Variants in ZCCHC10 observed in about 807,000 individuals in gnomAD.
ZCCHC10 encodes the protein zinc finger CCHC domain-containing protein 10.
A neutral mutation model predicts 19.5 loss-of-function variants in ZCCHC10; 16 were observed. The ratio of observed to expected loss-of-function variants is 0.82; its 90% CI spans 0.56 to 1.25. The LOEUF (loss-of-function observed/expected upper bound fraction) is 1.25, where lower values mean the gene tolerates loss of function less well. ZCCHC10 is among the 50% of genes most tolerant of loss of function. The pLI is 0.00. For synonymous variants in ZCCHC10, 67 were observed against 72.5 expected, an observed-to-expected ratio of 0.92 and a Z score of 0.38; for missense variants, 197 against 201.0, an observed-to-expected ratio of 0.98 and a Z score of 0.12.
chr5:132,999,843 G>C (rs1762649446), intron 4 of ZCCHC10, among the ~76,000 whole-genome samples: 1 of 152,080 alleles, frequency 6.6e-6, no homozygotes, highest in Non-Finnish European at 1.5e-5. Flanking sequence ...TGCCTCCCAG[G>C]TTCAAGCAAT....
intron 2 of ZCCHC10, among the ~76,000 whole-genome samples, chr5:133,016,709 C>T (rs895052071): frequency 1.3e-5 from 2 of 152,166 alleles, no homozygotes; most frequent in African/African-American, 2.4e-5. Flanking sequence ...TCCCAAAGTG[C>T]TGGGATTATA....
Position 133,006,847 on chromosome 5 carries a change from T to C in ZCCHC10, c.181A>G (p.Lys61Glu). The C allele has an allele frequency of 1.2e-6, 2 of 1,613,148 alleles. No homozygotes were observed. Among genetic ancestry groups the C allele is most frequent in the Non-Finnish European group, 1.7e-6 (2 of 1,179,702 alleles). The change falls in exon 3 of 5, where the codon AAA (lysine) becomes GAA (glutamate). Residue 61 changes from lysine to glutamate, a missense_variant. Transcript: ENST00000509437. Reference protein sequence around the residue: ...FGHWTYECTGKRKYLHRPSRT... With the variant: ...FGHWTYECTGERKYLHRPSRT... ...GAGGGCCTATGTAGGTATTTTCTTT[T>C]TCCTGTGCATTCATAAGTCCAATGT...
intron 2 of ZCCHC10, among the ~76,000 whole-genome samples, chr5:133,009,163 C>T (rs986869344): frequency 2.6e-5 from 4 of 151,964 alleles, no homozygotes; most frequent in African/African-American, 7.2e-5. Flanking sequence ...CTATCACGCC[C>T]GGCTAATTTT....
At chr5:133,008,869 C>T (rs537366642) in intron 2 of ZCCHC10, among the ~76,000 whole-genome samples, 4 of 152,162 alleles carry the variant, frequency 2.6e-5, no homozygotes, top group South Asian at 2.1e-4. Flanking sequence ...AAAAATTAGC[C>T]GCGTGTGGTG....
chr5:132,999,769 A>G (rs1271276349), intron 4 of ZCCHC10, among the ~76,000 whole-genome samples: 2 of 151,868 alleles, frequency 1.3e-5, no homozygotes, highest in Non-Finnish European at 2.9e-5. Flanking sequence ...TTTTTTTGAG[A>G]CAGAGTTTCG....
intron 2 of ZCCHC10, among the ~76,000 whole-genome samples, chr5:133,013,991 A>C (rs1387577950): frequency 6.6e-6 from 1 of 152,012 alleles, no homozygotes; most frequent in Non-Finnish European, 1.5e-5. Flanking sequence ...AAAAGTTCTA[A>C]CTCTGTTTCA....
At chr5:132,999,210 A>C (rs1253829992) in intron 4 of ZCCHC10, among the ~76,000 whole-genome samples, 1 of 152,168 alleles carries the variant, frequency 6.6e-6, no homozygotes, top group East Asian at 1.9e-4. Flanking sequence ...GGCGTGAGCC[A>C]CCGCGCCCAG....
intron 2 of ZCCHC10, among the ~76,000 whole-genome samples, chr5:133,013,799 GAA>G (rs11338391): frequency 2.7e-5 from 4 of 146,304 alleles, no homozygotes; most frequent in East Asian, 2.0e-4. Flanking sequence ...ACTATTTTGG[GAA>G]AAAAAAAAGC....
chr5:133,007,936 G>A (rs550080083), intron 2 of ZCCHC10, among the ~76,000 whole-genome samples: 5 of 151,986 alleles, frequency 3.3e-5, no homozygotes, highest in South Asian at 2.1e-4. Context: ...TTTAAGAATC[G>A]GAAAATCAGC....
chr5:133,025,210 A>G (rs566858837), intron 1 of ZCCHC10, among the ~76,000 whole-genome samples: 1 of 152,150 alleles, frequency 6.6e-6, no homozygotes. Context: ...AAAAAGCTTT[A>G]TAAGAAAGGG....
rs144269634 is a variant in ZCCHC10, at chr5:133,019,782, C to T, written c.107+3059G>A. ...CCAGCCTGGCCAACATGGTAAAACC[C>T]GTCTCTACTAAAAATAAAAAAATTA... On this transcript the variant is annotated intron_variant, in intron 2 of 4. Coordinates refer to ENST00000509437, the MANE Select transcript of ZCCHC10 (RefSeq NM_001300816.3). Among the ~76,000 whole-genome samples the T allele has an allele frequency of 2.1e-3, 315 of 151,508 alleles. 1 individual carries two copies. Among genetic ancestry groups the T allele is most frequent in the African/African-American group, 5.7e-3 (237 of 41,290 alleles).
chr5:133,025,487 G>C (rs545399560), intron 1 of ZCCHC10, among the ~76,000 whole-genome samples: 198 of 112,976 alleles, frequency 1.8e-3, no homozygotes, highest in Non-Finnish European at 2.9e-3. Flanking sequence ...CTGGGAGACA[G>C]AGCAAGACTC....
At chr5:133,016,467 G>A (rs1763927422) in intron 2 of ZCCHC10, among the ~76,000 whole-genome samples, 1 of 151,952 alleles carries the variant, frequency 6.6e-6, no homozygotes, top group Admixed American at 6.6e-5. Flanking sequence ...TTCTGAGACG[G>A]AGTTTTGCGC....
intron 2 of ZCCHC10, among the ~76,000 whole-genome samples, chr5:133,016,498 A>G (rs1230142104): frequency 1.3e-5 from 2 of 152,012 alleles, no homozygotes; most frequent in Non-Finnish European, 2.9e-5. Flanking sequence ...GCTGGAGTGC[A>G]ATGGCGCAAT....
intron 2 of ZCCHC10, among the ~76,000 whole-genome samples, chr5:133,019,648 C>CA (rs1247410065): frequency 1.3e-5 from 2 of 151,926 alleles, no homozygotes; most frequent in Non-Finnish European, 2.9e-5. Flanking sequence ...TAATATGCAA[C>CA]AAAAAAATTT....
chr5:133,005,158 G>T (rs1332497107), intron 3 of ZCCHC10, among the ~76,000 whole-genome samples: 1 of 151,868 alleles, frequency 6.6e-6, no homozygotes, highest in African/African-American at 2.4e-5. Flanking sequence ...AATTAGCCAG[G>T]TGTTGTTGCA....
In ZCCHC10 at chr5:133,002,824, AT is replaced by A. The variant is rs1028114191; in HGVS notation, c.270-2652del. ...AACCTCTGCCTCCTGGGTTCAAGCA[AT>A]TTTCCTGTCTCAGCCTCCTGAGTAG... On this transcript the variant is annotated intron_variant, in intron 3 of 4. Coordinates refer to ENST00000509437, the MANE Select transcript of ZCCHC10 (RefSeq NM_001300816.3). 2.7e-5 allele frequency among the ~76,000 whole-genome samples: 4 copies of A among 147,886 alleles called. No individual in the cohort carries two copies. In the South Asian group the frequency reaches 8.4e-4, roughly 31 times the overall value.
intron 3 of ZCCHC10, among the ~76,000 whole-genome samples, chr5:133,001,746 C>T (rs1211537343): frequency 6.6e-6 from 1 of 152,034 alleles, no homozygotes; most frequent in Non-Finnish European, 1.5e-5. Flanking sequence ...TGTGAGCCAC[C>T]ACACATGGCC....
Position 133,012,242 on chromosome 5 carries a change from C to T in ZCCHC10, c.108-5322G>A, listed in dbSNP as rs1049465783. Among the ~76,000 whole-genome samples the T allele has an allele frequency of 7.9e-5, 12 of 151,126 alleles. No individual in the cohort carries two copies. The East Asian group carries it at 9.8e-4, about 12-fold the overall frequency. On this transcript the variant is annotated intron_variant, in intron 2 of 4. Transcript: ENST00000509437. ...CAGCACCTTGGAAGGTTGAGGCAGG[C>T]GAATCACCTGAGGCCAGGAGTTCGA...
Sources: allele counts gnomAD v4.1 joint callset (sites outside exome capture counted in the v4.1 genomes callset), GRCh38; gene constraint gnomAD v4.1.1; transcripts MANE v1.5; gene names NCBI Gene and HGNC (gene_info 2026-07-23, HGNC 2026-07-21).